Variants in CHD5 observed in about 807,000 individuals in gnomAD.
CHD5 encodes chromodomain helicase DNA binding protein 5.
CHD5 carries 69 observed loss-of-function variants against 230.3 expected under a neutral mutation model. The ratio of observed to expected loss-of-function variants is 0.30; its 90% CI spans 0.25 to 0.37. The LOEUF (loss-of-function observed/expected upper bound fraction) is 0.37. Ranked by LOEUF, CHD5 falls within the 10% of genes least tolerant of loss-of-function variation. CHD5 has a pLI of 1.00. For synonymous variants in CHD5, 1,064 were observed against 1,065.9 expected, an observed-to-expected ratio of 1.00 and a Z score of 0.03; for missense variants, 1,827 against 2,622.8, an observed-to-expected ratio of 0.70 and a Z score of 6.63.
In CHD5 at chr1:6,151,012, C is replaced by T; in HGVS notation, c.994+20G>A. 1 of 1,523,628 alleles carries T rather than the reference C, an allele frequency of 6.6e-7. No individual in the cohort carries two copies. The highest frequency in any genetic ancestry group is 8.9e-7 in the Non-Finnish European group (1 of 1,126,534). 94.4% of individuals were successfully genotyped at this position (1,523,628 alleles called of 1,614,324 possible). A position where few individuals can be genotyped will look rare whatever the true frequency, so the allele number is the denominator to read the frequency against. ...ACATCCACCCAGCAGGCCAAGAACTCTCTGGAAGGGGAGTCATACTCCTCT... is the reference window on the plus strand; with the variant it reads ...ACATCCACCCAGCAGGCCAAGAACTTTCTGGAAGGGGAGTCATACTCCTCT... On this transcript the variant is annotated intron_variant, in intron 7 of 41. Transcript: ENST00000262450.
Position 6,154,376 on chromosome 1 carries a change from G to A in CHD5, c.745+284C>T, listed in dbSNP as rs1255616481. On this transcript the variant is annotated intron_variant, in intron 5 of 41. Coordinates refer to ENST00000262450, the MANE Select transcript of CHD5 (RefSeq NM_015557.3). The surrounding 1 kb of genome is among the most constrained non-coding windows in gnomAD (Gnocchi z 7.0). ...GCCCTCCCTCCAGGCCCACGTCGGG[G>A]GCACCTCCTGGCTGGCCAGGCTCAA... is the stretch of plus-strand genomic sequence containing the variant. 1.3e-5 allele frequency among the ~76,000 whole-genome samples: 2 copies of A among 152,126 alleles called. No individual in the cohort carries two copies. Among genetic ancestry groups the A allele is most frequent in the Non-Finnish European group, 2.9e-5 (2 of 68,028 alleles).
rs1048219255 is a variant in CHD5 at position 6,102,689 on chromosome 1, G to A, written c.*2785C>T. ...GACCTCGGCAGGGGAGCACCCGGGGGACTCTGGGAAGGCAGCCCCCAAAAG... is the reference window on the plus strand; with the variant it reads ...GACCTCGGCAGGGGAGCACCCGGGGAACTCTGGGAAGGCAGCCCCCAAAAG... On this transcript the variant is annotated 3_prime_UTR_variant, in exon 42 of 42. Coordinates refer to ENST00000262450, the MANE Select transcript of CHD5 (RefSeq NM_015557.3). 10 of 152,398 alleles carry A rather than the reference G, an allele frequency of 6.6e-5. No homozygotes were observed. Among genetic ancestry groups the A allele is most frequent in the African/African-American group, 2.2e-4 (9 of 41,592 alleles). The allele number at this position is 152,398 out of a possible 1,614,324, so 9.4% of individuals were successfully genotyped here. A position where few individuals can be genotyped will look rare whatever the true frequency, so the allele number is the denominator to read the frequency against.
At chr1:6,153,352 C>A (rs1238880083) in intron 5 of CHD5, among the ~76,000 whole-genome samples, 1 of 152,218 alleles carries the variant, frequency 6.6e-6, no homozygotes, top group African/African-American at 2.4e-5. Context: ...AGGAGCCCCT[C>A]CCGAGATCCT....
At chr1:6,107,330 T>A (rs565162442) in intron 38 of CHD5, among the ~76,000 whole-genome samples, 1 of 95,902 alleles carries the variant, frequency 1.0e-5, no homozygotes, top group Admixed American at 1.1e-4. Flanking sequence ...GGATGATGGT[T>A]GGATGTTGGA....
chr1:6,166,065 G>A (rs1464091520), intron 2 of CHD5, among the ~76,000 whole-genome samples: 1 of 151,882 alleles, frequency 6.6e-6, no homozygotes, highest in Non-Finnish European at 1.5e-5. Context: ...GGTAAGGGGG[G>A]GTTCCCGGGA....
intron 1 of CHD5, among the ~76,000 whole-genome samples, chr1:6,175,825 G>A (rs1332757854): frequency 6.6e-6 from 1 of 150,558 alleles, no homozygotes. Flanking sequence ...ATGGATACAT[G>A]GATGCATGGA....
chr1:6,113,099 TG>T (rs1378229239), intron 33 of CHD5, 101 bp from the exon 34 acceptor site: 1 of 815,502 alleles, frequency 1.2e-6, no homozygotes, highest in Admixed American at 2.1e-5. Flanking sequence ...TCCATCAATA[TG>T]TTCCGCAGAG....
Position 6,155,804 on chromosome 1 carries a change from G to A in CHD5, c.388-87C>T. The A allele has an allele frequency of 2.0e-6, 2 of 1,001,544 alleles. No homozygotes were observed. Among genetic ancestry groups the A allele is most frequent in the Non-Finnish European group, 3.1e-6 (2 of 642,836 alleles). The allele number at this position is 1,001,544 out of a possible 1,614,324, so 62.0% of individuals were successfully genotyped here. A position where few individuals can be genotyped will look rare whatever the true frequency, so the allele number is the denominator to read the frequency against. ...CCAGGGTCTCTGCCTAGGAGGCTTT[G>A]GCACAGGGGAAAGAGGAGGGGTTGT... On this transcript the variant is annotated intron_variant, in intron 3 of 41. Coordinates refer to ENST00000262450, the MANE Select transcript of CHD5 (RefSeq NM_015557.3). This position sits in a 1 kb window ranked among gnomAD's most constrained non-coding sequence, Gnocchi z 4.0.
chr1:6,106,372 G>T, intron 40 of CHD5, 23 bp downstream of exon 40: 1 of 1,609,072 alleles, frequency 6.2e-7, no homozygotes, highest in Non-Finnish European at 8.5e-7. Flanking sequence ...TGTGCATGCT[G>T]CCCGGAGCGG....
At chr1:6,108,982 G>C (rs1422502387) in intron 38 of CHD5, among the ~76,000 whole-genome samples, 1 of 151,906 alleles carries the variant, frequency 6.6e-6, no homozygotes, top group East Asian at 1.9e-4. Flanking sequence ...TATTTGCAAG[G>C]GTGTATGACT....
intron 40 of CHD5, 35 bp from the exon 41 acceptor site, chr1:6,106,322 C>G: frequency 6.2e-7 from 1 of 1,612,690 alleles, no homozygotes; most frequent in Non-Finnish European, 8.5e-7. Flanking sequence ...GCTTGCCTGA[C>G]GTTGGCAGCA....
At chr1:6,178,315 G>T (rs1163480886) in intron 1 of CHD5, among the ~76,000 whole-genome samples, 4 of 152,038 alleles carry the variant, frequency 2.6e-5, no homozygotes, top group Admixed American at 2.6e-4. Flanking sequence ...CAACCTCTAA[G>T]TCCCCACATA....
chr1:6,132,880 T>TTCTC lies in CHD5; in HGVS notation c.3145-1136_3145-1133dup, dbSNP rs111561200. Among the ~76,000 whole-genome samples the TTCTC allele has an allele frequency of 9.3e-3, 1,338 of 144,502 alleles. 7 individuals are homozygous for TTCTC. Among genetic ancestry groups the TTCTC allele is most frequent in the Middle Eastern group, 0.035 (10 of 284 alleles). The allele number at this position is 144,502 out of a possible 152,430, so 94.8% of individuals were successfully genotyped here. Reference sequence around the variant, plus strand: ...AGTCTTTTCAGGCTATCCTATTCTTTTCTCTCTCTCTCTCTCTCTCTCTCT... The same window carrying TTCTC: ...AGTCTTTTCAGGCTATCCTATTCTTTTCTCTCTCTCTCTCTCTCTCTCTCTCTCT... On this transcript the variant is annotated intron_variant, in intron 20 of 41. Transcript: ENST00000262450.
chr1:6,110,855 T>C (rs1265614787), intron 36 of CHD5, among the ~76,000 whole-genome samples: 1 of 152,174 alleles, frequency 6.6e-6, no homozygotes, highest in East Asian at 1.9e-4. Context: ...ATAGAGTATT[T>C]GCAGATGTAA....
intron 15 of CHD5, among the ~76,000 whole-genome samples, chr1:6,140,126 G>C (rs1424776289): frequency 6.6e-6 from 1 of 152,048 alleles, no homozygotes; most frequent in Non-Finnish European, 1.5e-5. Context: ...GCTCAGGCCA[G>C]GTGCGGTGGC....
At position 6,104,618 on chromosome 1, in the gene CHD5, G is replaced by GGCCCCCCCCC. The variant is rs1557532095; in HGVS notation, c.*855_*856insGGGGGGGGGC. ...CAGCAGTGGCTCCGAGGCAAGTGCT[G>GGCCCCCCCCC]CCCCCCCCCCAGCCCACCCTCCCTG... On this transcript the variant is annotated 3_prime_UTR_variant, in exon 42 of 42. Transcript: ENST00000262450. The GGCCCCCCCCC allele has an allele frequency of 4.8e-5, 7 of 145,098 alleles. No individual in the cohort carries two copies. The highest frequency in any genetic ancestry group is 6.9e-5 in the Admixed American group (1 of 14,460). 9.0% of individuals were successfully genotyped at this position (145,098 alleles called of 1,614,324 possible).
At chr1:6,138,455 C>T (rs1666778427) in intron 15 of CHD5, among the ~76,000 whole-genome samples, 1 of 152,162 alleles carries the variant, frequency 6.6e-6, no homozygotes, top group African/African-American at 2.4e-5. Context: ...AAGCTGTTTT[C>T]CTGCGAGCCC....
At position 6,167,860 on chromosome 1, in the gene CHD5, G is replaced by A. The variant is rs374025928; in HGVS notation, c.207+290C>T. On this transcript the variant is annotated intron_variant, in intron 2 of 41. Coordinates refer to ENST00000262450, the MANE Select transcript of CHD5 (RefSeq NM_015557.3). The surrounding 1 kb of genome is among the most constrained non-coding windows in gnomAD (Gnocchi z 4.5). ...TGGGGCAGGGAGGTAGGGAGGCACC[G>A]TGGCGACGGAATCCAGCCCTGTCCC... Among the ~76,000 whole-genome samples the A allele has an allele frequency of 2.6e-5, 4 of 152,188 alleles. No individual in the cohort carries two copies. In the East Asian group the frequency reaches 5.8e-4, roughly 22 times the overall value.
At chr1:6,156,319 T>C (rs1296867988) in intron 3 of CHD5, among the ~76,000 whole-genome samples, 1 of 151,862 alleles carries the variant, frequency 6.6e-6, no homozygotes, top group Non-Finnish European at 1.5e-5. Context: ...GACAGATCAT[T>C]TGAGGTCAGG....
Sources: gnomAD v4.1 joint callset for allele counts (sites outside exome capture counted in the v4.1 genomes callset) on GRCh38, gnomAD v4.1.1 for gene constraint, Gnocchi (gnomAD v3.1) non-coding constraint, MANE v1.5 for transcripts, NCBI Gene and HGNC (gene_info 2026-07-23, HGNC 2026-07-21) for gene names.